The following GRB10 variants were observed in gnomAD, a reference collection of about 807,000 sequenced individuals.
The protein encoded by GRB10 is growth factor receptor bound protein 10.
GRB10 carries 20 observed loss-of-function variants against 80.9 expected under a neutral mutation model. That is an observed-to-expected ratio of 0.25 (90% confidence interval 0.17 to 0.36). GRB10 has a LOEUF of 0.36. Ranked by LOEUF, GRB10 falls within the 10% of genes least tolerant of loss-of-function variation. The pLI, the probability that GRB10 is intolerant of heterozygous loss-of-function variation, is 1.00. For missense variants in GRB10, 548 were observed against 747.7 expected, an observed-to-expected ratio of 0.73 and a Z score of 3.12; for synonymous variants, 291 against 291.5, an observed-to-expected ratio of 1.00 and a Z score of 0.02.
At chr7:50,654,329 G>A (rs901156043) in intron 7 of GRB10, among the ~76,000 whole-genome samples, 1 of 152,200 alleles carries the variant, frequency 6.6e-6, no homozygotes, top group African/African-American at 2.4e-5. Context: ...AAAAACCAGA[G>A]ACAGATCAGT....
At chr7:50,628,957 G>A (rs1333674305) in intron 7 of GRB10, among the ~76,000 whole-genome samples, 1 of 152,164 alleles carries the variant, frequency 6.6e-6, no homozygotes, top group African/African-American at 2.4e-5. Flanking sequence ...AGGTAGGAAT[G>A]TTATTAAAAT....
intron 3 of GRB10, among the ~76,000 whole-genome samples, chr7:50,749,624 T>C (rs2073768780): frequency 6.6e-6 from 1 of 152,198 alleles, no homozygotes; most frequent in Admixed American, 6.5e-5. Flanking sequence ...TTCAAAGCAT[T>C]TTTCTTCCAT....
intron 7 of GRB10, among the ~76,000 whole-genome samples, chr7:50,658,561 A>C (rs1282892998): frequency 6.6e-6 from 1 of 152,198 alleles, no homozygotes; most frequent in Non-Finnish European, 1.5e-5. Flanking sequence ...GCACAGACTT[A>C]GATTTTTGGC....
chr7:50,668,097 C>G (rs2059993374), intron 7 of GRB10, among the ~76,000 whole-genome samples: 1 of 152,208 alleles, frequency 6.6e-6, no homozygotes, highest in South Asian at 2.1e-4. Flanking sequence ...CCAGTGCTGG[C>G]TCCCAGATGA....
At chr7:50,717,002 C>T (rs1184356175) in intron 4 of GRB10, among the ~76,000 whole-genome samples, 2 of 152,198 alleles carry the variant, frequency 1.3e-5, no homozygotes, top group Non-Finnish European at 2.9e-5. Flanking sequence ...TCTGCATTCC[C>T]GCTATTTGGC....
chr7:50,719,855 G>C (rs948216425), intron 4 of GRB10, among the ~76,000 whole-genome samples: 6 of 151,642 alleles, frequency 4.0e-5, no homozygotes, highest in African/African-American at 7.3e-5. Context: ...TCCTTTTATA[G>C]GTTTTTTTTT....
chr7:50,606,712 G>A (rs4947411), intron 13 of GRB10: 320,598 of 398,968 alleles, frequency 0.8, 129,717 homozygotes, highest in East Asian at 0.97. Flanking sequence ...CATATATTTC[G>A]TATATGTATT....
At chr7:50,743,967 G>A (rs1304761390) in intron 3 of GRB10, among the ~76,000 whole-genome samples, 1 of 152,166 alleles carries the variant, frequency 6.6e-6, no homozygotes, top group Admixed American at 6.5e-5. Context: ...CATCCTAAAA[G>A]CCTCACCAGA....
At chr7:50,629,417 G>T (rs1469945077) in intron 7 of GRB10, among the ~76,000 whole-genome samples, 1 of 152,140 alleles carries the variant, frequency 6.6e-6, no homozygotes, top group Non-Finnish European at 1.5e-5. Flanking sequence ...GATTCCCACA[G>T]AGGCTGGGCT....
intron 1 of GRB10, chr7:50,792,647 C>G: frequency 2.5e-6 from 1 of 395,512 alleles, no homozygotes; most frequent in Non-Finnish European, 4.5e-6. Flanking sequence ...ACCAACAGAA[C>G]CAAAAAAAAG....
chr7:50,683,383 G>C (rs946142001), intron 5 of GRB10, among the ~76,000 whole-genome samples: 2 of 152,318 alleles, frequency 1.3e-5, no homozygotes, highest in African/African-American at 4.8e-5. Flanking sequence ...TGGATGGATG[G>C]TGGTGAAGGT....
At chr7:50,676,332 C>G (rs2060925619) in intron 5 of GRB10, among the ~76,000 whole-genome samples, 1 of 51,270 alleles carries the variant, frequency 2.0e-5, no homozygotes, top group South Asian at 8.1e-4. Context: ...GTGTCCACCC[C>G]ACCGGGGGGG....
intron 5 of GRB10, among the ~76,000 whole-genome samples, chr7:50,701,067 T>C (rs2064142251): frequency 6.6e-6 from 1 of 152,212 alleles, no homozygotes; most frequent in Non-Finnish European, 1.5e-5. Flanking sequence ...TTTCTTCCGT[T>C]TTCTACTTGA....
At chr7:50,772,778 T>G (rs550830928) in intron 2 of GRB10, among the ~76,000 whole-genome samples, 29 of 152,274 alleles carry the variant, frequency 1.9e-4, no homozygotes, top group African/African-American at 6.7e-4. Flanking sequence ...AATTAAAAAT[T>G]TTTGTGCGTC....
At chr7:50,603,808 C>A (rs1463620232) in intron 17 of GRB10, among the ~76,000 whole-genome samples, 190 bp downstream of exon 17, 1 of 152,208 alleles carries the variant, frequency 6.6e-6, no homozygotes, top group Non-Finnish European at 1.5e-5. Context: ...GGATTAGATC[C>A]CTTTCTGCCC....
At chr7:50,704,984 T>C (rs576044166) in intron 4 of GRB10, among the ~76,000 whole-genome samples, 13 of 152,284 alleles carry the variant, frequency 8.5e-5, no homozygotes, top group Non-Finnish European at 1.9e-4. Context: ...AAAAGGCACA[T>C]TGATTTCAAC....
chr7:50,650,570 A>G (rs2057880940), intron 7 of GRB10, among the ~76,000 whole-genome samples: 1 of 152,218 alleles, frequency 6.6e-6, no homozygotes, highest in Admixed American at 6.5e-5. Context: ...TCAACGTCCT[A>G]GAGAAGATAA....
chr7:50,687,476 C>T (rs540643674), intron 5 of GRB10, among the ~76,000 whole-genome samples: 3 of 152,354 alleles, frequency 2.0e-5, no homozygotes, highest in South Asian at 4.1e-4. Flanking sequence ...GCGAATTCAA[C>T]GTCTGCCCTG....
chr7:50,697,630 G>T (rs2063603166), intron 5 of GRB10, among the ~76,000 whole-genome samples: 1 of 152,240 alleles, frequency 6.6e-6, no homozygotes, highest in South Asian at 2.1e-4. Flanking sequence ...TACAGCCTAT[G>T]ATGGCAGCAT....
Sources: gnomAD v4.1 joint callset for allele counts (sites outside exome capture counted in the v4.1 genomes callset) on GRCh38, gnomAD v4.1.1 for gene constraint, MANE v1.5 for transcripts, NCBI Gene and HGNC (gene_info 2026-07-23, HGNC 2026-07-21) for gene names.